RNF111: variants seen among roughly 807,000 people sequenced by gnomAD.
The protein encoded by RNF111 is E3 ubiquitin-protein ligase Arkadia.
RNF111 carries 17 observed loss-of-function variants against 95.1 expected under a neutral mutation model. The ratio of observed to expected loss-of-function variants is 0.18; its 90% confidence interval spans 0.12 to 0.27. The LOEUF (loss-of-function observed/expected upper bound fraction) is 0.27, where lower values mean the gene tolerates loss of function less well. RNF111 is among the 10% of genes least tolerant of loss of function. The probability of loss-of-function intolerance (pLI) is 1.00; values close to 1 mark genes in which losing one functional copy is unlikely to be tolerated. For missense variants in RNF111, 1,189 were observed against 1,210.4 expected, an observed-to-expected ratio of 0.98 and a Z score of 0.26; for synonymous variants, 440 against 414.8, an observed-to-expected ratio of 1.06 and a Z score of -0.74.
At chr15:59,030,055 C>A (rs1309552315) in intron 1 of RNF111, among the ~76,000 whole-genome samples, 1 of 152,090 alleles carries the variant, frequency 6.6e-6, no homozygotes, top group African/African-American at 2.4e-5. Flanking sequence ...AAATTCAGAT[C>A]TCTTTTTGGC....
Position 59,030,926 on chromosome 15 carries a change from G to C in RNF111, c.104G>C (p.Gly35Ala). The C allele has an allele frequency of 6.2e-7, 1 of 1,614,162 alleles. No homozygotes were observed. Among genetic ancestry groups the C allele is most frequent in the Non-Finnish European group, 8.5e-7 (1 of 1,180,026 alleles). ...CCAAAGACACAGGAGAGTCTGAAAG[G>C]GATCCTTTTGCATCCAGAGCCCATT... ...DAPKTQESLK[G>A]ILLHPEPIGA... Residue 35 changes from glycine (G) to alanine (A), a missense_variant, in exon 2 of 14, where the codon GGG (glycine) becomes GCG (alanine). Physicochemically the swap from Gly to Ala is moderately conservative, Grantham distance 60. Around this residue, in one of 2 missense-constraint regions of RNF111, gnomAD observed 1,024 missense variants for 925.9 expected, o/e 1.11. Coordinates refer to ENST00000348370, the MANE Select transcript of RNF111 (RefSeq NM_017610.8).
chr15:59,051,803 A>G (rs923241530), intron 2 of RNF111, among the ~76,000 whole-genome samples: 35 of 149,314 alleles, frequency 2.3e-4, no homozygotes, highest in South Asian at 6.2e-4. Flanking sequence ...ATAAATAAAT[A>G]AATGAATAAA....
intron 9 of RNF111, among the ~76,000 whole-genome samples, chr15:59,084,695 A>C (rs767812358): frequency 6.6e-5 from 10 of 152,104 alleles, no homozygotes; most frequent in Non-Finnish European, 1.3e-4. Context: ...CATGCTGTGC[A>C]GTAGAATATC....
chr15:59,035,468 G>T (rs2041132762), intron 2 of RNF111, among the ~76,000 whole-genome samples: 1 of 152,040 alleles, frequency 6.6e-6, no homozygotes. Context: ...ATGCAATGAG[G>T]GTACAGATGT....
rs2043141397 is a variant in RNF111 at position 59,075,828 on chromosome 15, A to C, written c.1687-126A>C. The C allele has an allele frequency of 4.9e-6, 5 of 1,022,510 alleles. No homozygotes were observed. The East Asian group carries it at 1.3e-4, about 27-fold the overall frequency. 63.3% of individuals were successfully genotyped at this position (1,022,510 alleles called of 1,614,324 possible). ...TGCTCACTGGTTCTTCATACTAAGAATCTTCCTGGTTTCAAACTAATTTAA... is the reference window on the plus strand; with the variant it reads ...TGCTCACTGGTTCTTCATACTAAGACTCTTCCTGGTTTCAAACTAATTTAA... On this transcript the variant is annotated intron_variant, in intron 6 of 13. Coordinates refer to ENST00000348370, the MANE Select transcript of RNF111 (RefSeq NM_017610.8).
At chr15:59,080,108 G>A (rs965391288) in intron 7 of RNF111, among the ~76,000 whole-genome samples, 1 of 144,256 alleles carries the variant, frequency 6.9e-6, no homozygotes, top group African/African-American at 2.6e-5. Flanking sequence ...GCCTTCTTGT[G>A]TGCTCCTTTT....
intron 7 of RNF111, among the ~76,000 whole-genome samples, chr15:59,077,972 C>T (rs576886239): frequency 1.1e-4 from 17 of 152,308 alleles, no homozygotes; most frequent in Admixed American, 7.2e-4. Flanking sequence ...CTTTAGTTCA[C>T]GTGTGAAACA....
At chr15:58,996,157 ATGTT>A (rs1489432338) in intron 1 of RNF111, among the ~76,000 whole-genome samples, 12 of 152,066 alleles carry the variant, frequency 7.9e-5, no homozygotes, top group Admixed American at 6.6e-4. Context: ...TTGTGTGTGT[ATGTT>A]TAGCCACTTA....
intron 1 of RNF111, among the ~76,000 whole-genome samples, chr15:59,000,163 CTTTTT>C (rs71425835): frequency 1.1e-3 from 139 of 132,082 alleles, no homozygotes; most frequent in South Asian, 5.7e-3. Context: ...TTTTTTTTCC[CTTTTT>C]TTTTTTTTTT....
chr15:59,019,105 A>ATTTTTTTTTTTTTTT (rs35154303), intron 1 of RNF111, among the ~76,000 whole-genome samples: 11 of 121,284 alleles, frequency 9.1e-5, no homozygotes, highest in East Asian at 4.8e-4. Context: ...GTATTTTTGT[A>ATTTTTTTTTTTTTTT]TTTTTTTTTT....
intron 7 of RNF111, among the ~76,000 whole-genome samples, chr15:59,079,010 C>T (rs777398151): frequency 2.6e-5 from 4 of 151,944 alleles, no homozygotes; most frequent in Non-Finnish European, 5.9e-5. Context: ...ATATGTTGAA[C>T]GTCTAGGAAA....
intron 1 of RNF111, among the ~76,000 whole-genome samples, chr15:59,029,564 C>G (rs1567225470): frequency 1.3e-5 from 2 of 152,172 alleles, no homozygotes; most frequent in African/African-American, 4.8e-5. Context: ...AAGTTATATA[C>G]TATAGTAACA....
At chr15:59,052,842 C>G (rs769383574) in intron 3 of RNF111, among the ~76,000 whole-genome samples, 3 of 152,014 alleles carry the variant, frequency 2.0e-5, no homozygotes, top group African/African-American at 7.2e-5. Flanking sequence ...TTAAAAGCAC[C>G]CCAAGTATAC....
In RNF111 at chr15:59,094,961, A is replaced by C. The variant is rs936855275; in HGVS notation, c.*61A>C. On this transcript the variant is annotated 3_prime_UTR_variant, in exon 14 of 14. Coordinates refer to ENST00000348370, the MANE Select transcript of RNF111 (RefSeq NM_017610.8). ...CCCATCCTTCCTGGTACTGCAGTCA[A>C]CCAAAGATGGCATGACTTACCTGCG... 8.1e-6 allele frequency: 8 copies of C among 987,760 alleles called. No individual in the cohort carries two copies. The highest frequency in any genetic ancestry group is 1.3e-5 in the Non-Finnish European group (8 of 612,192). 61.2% of individuals were successfully genotyped at this position (987,760 alleles called of 1,614,324 possible). A position where few individuals can be genotyped will look rare whatever the true frequency, so the allele number is the denominator to read the frequency against.
chr15:59,028,212 AG>A (rs2040722243), intron 1 of RNF111, among the ~76,000 whole-genome samples: 1 of 152,170 alleles, frequency 6.6e-6, no homozygotes, highest in Admixed American at 6.5e-5. Flanking sequence ...TGCCTATTCC[AG>A]ACATTCCATA....
At chr15:59,090,584 C>G (rs1242618838) in intron 11 of RNF111, among the ~76,000 whole-genome samples, 1 of 152,130 alleles carries the variant, frequency 6.6e-6, no homozygotes, top group Non-Finnish European at 1.5e-5. Context: ...TGACTTAGAA[C>G]TATTGTTTGA....
At chr15:59,067,112 T>TCCTG in intron 6 of RNF111, 29 bp downstream of exon 6, 1 of 1,565,936 alleles carries the variant, frequency 6.4e-7, no homozygotes. Context: ...AGTCTTTCTT[T>TCCTG]CCTGCCCCTC....
chr15:59,060,734 C>T (rs2042397338), intron 5 of RNF111, among the ~76,000 whole-genome samples: 1 of 152,100 alleles, frequency 6.6e-6, no homozygotes, highest in Non-Finnish European at 1.5e-5. Flanking sequence ...ATTTTTGAGG[C>T]AGGGATTTGA....
intron 2 of RNF111, among the ~76,000 whole-genome samples, chr15:59,037,551 G>A (rs947102288): frequency 1.3e-5 from 2 of 151,962 alleles, no homozygotes; most frequent in Admixed American, 6.6e-5. Flanking sequence ...AAATTAATAG[G>A]TATTGCCGGG....
Sources: allele counts gnomAD v4.1 joint callset (sites outside exome capture counted in the v4.1 genomes callset), GRCh38; gene constraint gnomAD v4.1.1; regional missense constraint gnomAD v4.1.1; transcripts MANE v1.5; gene names NCBI Gene and HGNC (gene_info 2026-07-23, HGNC 2026-07-21).